Variants in LEF1 observed in about 807,000 individuals in gnomAD.
LEF1 encodes lymphoid enhancer binding factor 1, also known as lymphoid enhancer-binding factor 1.
LEF1 carries 14 observed loss-of-function variants against 51.2 expected under a neutral mutation model. The observed-to-expected ratio is 0.27, with a 90% CI of 0.18 to 0.43. LEF1 has a LOEUF of 0.43. LEF1 is among the 20% of genes least tolerant of loss of function. The pLI is 1.00. For synonymous variants in LEF1, 185 were observed against 183.2 expected (o/e 1.01, Z -0.08); for missense variants, 386 against 512.0 (o/e 0.75, Z 2.37).
At chr4:108,140,211 G>A (rs1294430590) in intron 3 of LEF1, among the ~76,000 whole-genome samples, 1 of 152,122 alleles carries the variant, frequency 6.6e-6, no homozygotes, top group East Asian at 1.9e-4. Flanking sequence ...TAGAGGGAGG[G>A]GGGAAAAGCA....
intron 11 of LEF1, among the ~76,000 whole-genome samples, chr4:108,054,314 C>T (rs1238083031): frequency 1.3e-5 from 2 of 152,226 alleles, no homozygotes; most frequent in Non-Finnish European, 2.9e-5. Context: ...GAGTGCAGGG[C>T]AGACGCCCTG....
intron 7 of LEF1, 198 bp from the exon 8 acceptor site, chr4:108,078,580 A>G: frequency 1.6e-6 from 1 of 627,272 alleles, no homozygotes; most frequent in South Asian, 1.9e-5. Flanking sequence ...AACCCATCCA[A>G]TAGGGCTTCC....
chr4:108,148,904 A>C (rs540235183), intron 3 of LEF1, among the ~76,000 whole-genome samples: 3 of 152,308 alleles, frequency 2.0e-5, no homozygotes, highest in African/African-American at 7.2e-5. Context: ...ATTAAATATA[A>C]ATAATGAACC....
At chr4:108,065,262 A>G (rs543741627) in intron 9 of LEF1, among the ~76,000 whole-genome samples, 3 of 152,174 alleles carry the variant, frequency 2.0e-5, no homozygotes, top group Non-Finnish European at 2.9e-5. Context: ...CGAGGTGAGC[A>G]GATCACGAGG....
intron 3 of LEF1, among the ~76,000 whole-genome samples, chr4:108,137,418 T>C (rs1743368344): frequency 6.6e-6 from 1 of 152,194 alleles, no homozygotes; most frequent in Admixed American, 6.5e-5. Context: ...CCAAGTAATA[T>C]TTTAAACATC....
chr4:108,147,259 T>C (rs547022837), intron 3 of LEF1, among the ~76,000 whole-genome samples: 1 of 143,690 alleles, frequency 7.0e-6, no homozygotes, highest in South Asian at 2.2e-4. Flanking sequence ...AATAGAAGCC[T>C]AAAAAAAAAA....
intron 1 of LEF1, 94 bp from the exon 2 acceptor site, chr4:108,165,257 G>A: frequency 8.2e-7 from 1 of 1,215,194 alleles, no homozygotes; most frequent in East Asian, 2.3e-5. Context: ...GTAATTCAAA[G>A]GAAGAGGTTT....
intron 3 of LEF1, among the ~76,000 whole-genome samples, chr4:108,130,780 CA>C (rs1742829506): frequency 6.6e-6 from 1 of 150,554 alleles, no homozygotes; most frequent in African/African-American, 2.4e-5. Context: ...TGTAAAATAA[CA>C]CATTCCCTTC....
chr4:108,136,798 A>G (rs1322427934), intron 3 of LEF1, among the ~76,000 whole-genome samples: 1 of 152,188 alleles, frequency 6.6e-6, no homozygotes, highest in East Asian at 1.9e-4. Context: ...ATAATGTTCT[A>G]ACTCAAAATA....
chr4:108,055,040 T>C (rs1737232022), intron 11 of LEF1, among the ~76,000 whole-genome samples: 1 of 152,220 alleles, frequency 6.6e-6, no homozygotes, highest in Non-Finnish European at 1.5e-5. Flanking sequence ...TCTCAAGGTA[T>C]CACAGTAATG....
chr4:108,098,362 CCAAGGT>C (rs943845225), intron 3 of LEF1, among the ~76,000 whole-genome samples: 2 of 152,014 alleles, frequency 1.3e-5, no homozygotes, highest in Admixed American at 6.6e-5. Flanking sequence ...TACAGTCTGC[CCAAGGT>C]CAAGGTCAGA....
At chr4:108,049,878 G>C (rs2126250388) in intron 11 of LEF1, among the ~76,000 whole-genome samples, 1 of 152,336 alleles carries the variant, frequency 6.6e-6, no homozygotes, top group East Asian at 1.9e-4. Context: ...TTCCATGGAA[G>C]GATGGTGATC....
chr4:108,148,985 T>C (rs1235711710), intron 3 of LEF1, among the ~76,000 whole-genome samples: 1 of 152,204 alleles, frequency 6.6e-6, no homozygotes, highest in Non-Finnish European at 1.5e-5. Context: ...AGTAGCAAGT[T>C]CTTTACATAT....
intron 3 of LEF1, among the ~76,000 whole-genome samples, chr4:108,108,030 C>T (rs753197829): frequency 1.3e-5 from 2 of 152,170 alleles, no homozygotes; most frequent in Non-Finnish European, 2.9e-5. Context: ...TGGGCAGGGA[C>T]AGGGAAAAGC....
At chr4:108,058,795 C>A (rs994451808) in intron 11 of LEF1, among the ~76,000 whole-genome samples, 3 of 152,162 alleles carry the variant, frequency 2.0e-5, no homozygotes, top group Admixed American at 1.3e-4. Flanking sequence ...TTTGCAAACA[C>A]CCCCACCGCC....
At chr4:108,092,789 G>A (rs1199049284) in intron 3 of LEF1, among the ~76,000 whole-genome samples, 1 of 151,914 alleles carries the variant, frequency 6.6e-6, no homozygotes. Context: ...CACCTAAAAT[G>A]TTTCAAGCAC....
intron 3 of LEF1, among the ~76,000 whole-genome samples, chr4:108,162,940 A>G (rs1745155050): frequency 6.6e-6 from 1 of 152,234 alleles, no homozygotes; most frequent in Non-Finnish European, 1.5e-5. Context: ...ATGCAGTTAT[A>G]ATACCACTGC....
At chr4:108,135,437 G>T (rs1222591728) in intron 3 of LEF1, among the ~76,000 whole-genome samples, 1 of 152,220 alleles carries the variant, frequency 6.6e-6, no homozygotes, top group Admixed American at 6.5e-5. Context: ...AATGACAGCA[G>T]GCTCAAATAC....
intron 4 of LEF1, among the ~76,000 whole-genome samples, chr4:108,085,733 GT>G (rs1179281604): frequency 6.6e-6 from 1 of 152,132 alleles, no homozygotes; most frequent in Non-Finnish European, 1.5e-5. Flanking sequence ...TCTTTCAAAT[GT>G]TCCTCTCATA....
Sources: gnomAD v4.1 joint callset for allele counts (sites outside exome capture counted in the v4.1 genomes callset) on GRCh38, gnomAD v4.1.1 for gene constraint, MANE v1.5 for transcripts, NCBI Gene and HGNC (gene_info 2026-07-23, HGNC 2026-07-21) for gene names.